The following PM20D2 variants were observed in gnomAD, a reference collection of about 807,000 sequenced individuals.
The protein encoded by PM20D2 is peptidase M20 domain containing 2.
PM20D2 carries 33 observed loss-of-function variants against 42.9 expected under a neutral mutation model. The observed-to-expected ratio is 0.77, with a 90% CI of 0.58 to 1.03. The LOEUF (loss-of-function observed/expected upper bound fraction) is 1.03. Ranked by LOEUF, PM20D2 falls within the 50% of genes least tolerant of loss-of-function variation. PM20D2 has a pLI of 0.00. For missense variants in PM20D2, 548 were observed against 557.0 expected (o/e 0.98, Z 0.16); for synonymous variants, 250 against 228.2 (o/e 1.10, Z -0.86).
the PM20D2 span, among the ~76,000 whole-genome samples, chr6:89,099,835 GA>G: frequency 6.6e-6 from 1 of 151,816 alleles, no homozygotes; most frequent in Non-Finnish European, 1.5e-5. Context: ...ACACCCAGCC[GA>G]AAACAACTAT....
chr6:89,152,355 G>T (rs1250959840), intron 2 of PM20D2, among the ~76,000 whole-genome samples: 1 of 151,756 alleles, frequency 6.6e-6, no homozygotes, highest in African/African-American at 2.4e-5. Context: ...TGTTATCAAA[G>T]CACGTCAATC....
the PM20D2 span, among the ~76,000 whole-genome samples, chr6:89,132,046 G>A: frequency 6.6e-6 from 1 of 152,148 alleles, no homozygotes; most frequent in Admixed American, 6.5e-5. Context: ...CAAAGAGAAA[G>A]TAATCAAAAG....
chr6:89,151,043 T>A (rs550964659), intron 2 of PM20D2, among the ~76,000 whole-genome samples: 2 of 150,192 alleles, frequency 1.3e-5, no homozygotes, highest in African/African-American at 4.9e-5. Flanking sequence ...CCCAGCTACT[T>A]GGGAGGCTGA....
chr6:89,120,681 AAG>A, the PM20D2 span, among the ~76,000 whole-genome samples: 1 of 152,012 alleles, frequency 6.6e-6, no homozygotes, highest in Non-Finnish European at 1.5e-5. Context: ...TGGGCAACAT[AAG>A]AGAATCTCCC....
At chr6:89,133,102 G>A in the PM20D2 span, among the ~76,000 whole-genome samples, 1 of 149,106 alleles carries the variant, frequency 6.7e-6, no homozygotes, top group South Asian at 2.1e-4. Context: ...GGTGATGCAT[G>A]CCTATGGTCC....
At chr6:89,111,362 C>T in the PM20D2 span, among the ~76,000 whole-genome samples, 1 of 152,130 alleles carries the variant, frequency 6.6e-6, no homozygotes, top group African/African-American at 2.4e-5. Flanking sequence ...TGCAAAGGTT[C>T]TGCACATTTT....
At chr6:89,125,667 C>T in the PM20D2 span, among the ~76,000 whole-genome samples, 1 of 151,898 alleles carries the variant, frequency 6.6e-6, no homozygotes, top group Non-Finnish European at 1.5e-5. Context: ...CCTGTAATCC[C>T]AGCTACTCGG....
At chr6:89,111,768 T>C in the PM20D2 span, among the ~76,000 whole-genome samples, 6 of 152,328 alleles carry the variant, frequency 3.9e-5, no homozygotes, top group South Asian at 4.1e-4. Context: ...CTATGTTTTT[T>C]ATAGCTGACA....
the PM20D2 span, among the ~76,000 whole-genome samples, chr6:89,109,867 G>A: frequency 1.3e-5 from 2 of 152,150 alleles, no homozygotes; most frequent in African/African-American, 2.4e-5. Flanking sequence ...CGAGGTGGGC[G>A]GATTACGAGG....
the PM20D2 span, among the ~76,000 whole-genome samples, chr6:89,121,735 A>G: frequency 6.6e-6 from 1 of 152,218 alleles, no homozygotes; most frequent in Non-Finnish European, 1.5e-5. Flanking sequence ...TCCCATAACA[A>G]AAGCCTCATT....
At chr6:89,136,783 CTG>C in the PM20D2 span, among the ~76,000 whole-genome samples, 611 of 151,208 alleles carry the variant, frequency 4.0e-3, 55 homozygotes, top group African/African-American at 0.014. Flanking sequence ...GAATAAATTT[CTG>C]TTTTGATGAA....
At chr6:89,107,939 T>A in the PM20D2 span, among the ~76,000 whole-genome samples, 2 of 152,190 alleles carry the variant, frequency 1.3e-5, no homozygotes, top group African/African-American at 4.8e-5. Context: ...AGTAATTGTT[T>A]CACTAAGAAC....
chr6:89,094,102 G>A, the PM20D2 span, among the ~76,000 whole-genome samples: 67 of 151,378 alleles, frequency 4.4e-4, no homozygotes, highest in Admixed American at 1.8e-3. Context: ...TGTAATTTTA[G>A]TAGAGACAGG....
chr6:89,156,415 A>G (rs899840688), intron 4 of PM20D2, among the ~76,000 whole-genome samples: 2 of 152,138 alleles, frequency 1.3e-5, no homozygotes, highest in African/African-American at 4.8e-5. Context: ...GATAATAACA[A>G]TTTATCTTAG....
At chr6:89,146,829 A>C (rs369578269) in intron 1 of PM20D2, among the ~76,000 whole-genome samples, 171 of 152,360 alleles carry the variant, frequency 1.1e-3, no homozygotes, top group East Asian at 8.7e-3. Flanking sequence ...GACATCTTGC[A>C]GATTATTGTT....
Position 89,161,826 on chromosome 6 carries a change from T to TC in PM20D2, c.1093dup (p.His365ProfsTer9), listed in dbSNP as rs1280186568. 8 of 1,613,662 alleles carry TC rather than the reference T, an allele frequency of 5.0e-6. No individual in the cohort carries two copies. Among genetic ancestry groups the TC allele is most frequent in the Non-Finnish European group, 5.9e-6 (7 of 1,179,624 alleles). ...ATGTTAGTTTTGTGGTTCCTGGAAT[T>TC]CATCCATATTTTCACATTGGATCTA... is the stretch of plus-strand genomic sequence containing the variant. On this transcript the variant is annotated frameshift_variant, in exon 6 of 7. Coordinates refer to ENST00000275072, the MANE Select transcript of PM20D2 (RefSeq NM_001010853.3). LOFTEE classifies it high-confidence loss of function.
chr6:89,117,246 C>A, the PM20D2 span, among the ~76,000 whole-genome samples: 20 of 152,164 alleles, frequency 1.3e-4, no homozygotes, highest in African/African-American at 4.8e-4. Flanking sequence ...TGATCTCATT[C>A]ATTGAAGTTA....
chr6:89,109,378 A>G, the PM20D2 span, among the ~76,000 whole-genome samples: 1 of 152,170 alleles, frequency 6.6e-6, no homozygotes, highest in African/African-American at 2.4e-5. Context: ...TACTCAATAT[A>G]TATTTGCCTA....
At chr6:89,132,662 A>G in the PM20D2 span, among the ~76,000 whole-genome samples, 8,708 of 150,594 alleles carry the variant, frequency 0.058, 1,202 homozygotes, top group African/African-American at 0.19. Flanking sequence ...CCTGGCCAAC[A>G]TGGTGAAACC....
Sources: allele counts gnomAD v4.1 joint callset (sites outside exome capture counted in the v4.1 genomes callset), GRCh38; gene constraint gnomAD v4.1.1; transcripts MANE v1.5; gene names NCBI Gene and HGNC (gene_info 2026-07-23, HGNC 2026-07-21).